DIP2C: variants seen among roughly 807,000 people sequenced by gnomAD.
DIP2C encodes the protein DIP2 acetate--CoA ligase C (putative), also known as disco-interacting protein 2 homolog C.
In DIP2C, 33 loss-of-function variants were observed where a neutral mutation model predicts 192.4. The observed-to-expected ratio is 0.17, with a 90% confidence interval of 0.13 to 0.23. The LOEUF (loss-of-function observed/expected upper bound fraction) is 0.23, where lower values mean the gene tolerates loss of function less well. DIP2C is among the 10% of genes least tolerant of loss of function. The pLI is 1.00. For missense variants in DIP2C, 1,537 were observed against 2,110.1 expected (o/e 0.73, Z 5.32); for synonymous variants, 979 against 864.1 (o/e 1.13, Z -2.33).
intron 16 of DIP2C, 115 bp downstream of exon 16, chr10:383,912 A>C: frequency 2.2e-6 from 3 of 1,342,030 alleles, no homozygotes; most frequent in Non-Finnish European, 2.9e-6. Flanking sequence ...AAGTGCAAAG[A>C]ATGAAACCTG....
chr10:605,881 G>A (rs1334399507), intron 1 of DIP2C, among the ~76,000 whole-genome samples: 1 of 152,228 alleles, frequency 6.6e-6, no homozygotes, highest in Non-Finnish European at 1.5e-5. Flanking sequence ...AGACTCTCAG[G>A]AGAGCAGAAA....
In DIP2C at chr10:363,319, G is replaced by A; in HGVS notation, c.2478-8C>T. The stretch of plus-strand genomic sequence containing the variant: ...ACCGAGAACACGGCTATCCTGCGGG[G>A]ACACAGGAGCATGGTGAGCACGCGC... On this transcript the variant is annotated splice_region_variant and splice_polypyrimidine_tract_variant and intron_variant, in intron 20 of 36. Coordinates refer to ENST00000280886, the MANE Select transcript of DIP2C (RefSeq NM_014974.3). The surrounding 1 kb of genome is among the most constrained non-coding windows in gnomAD (Gnocchi z 5.4). The A allele has an allele frequency of 1.2e-6, 2 of 1,609,178 alleles. No homozygotes were observed. The highest frequency in any genetic ancestry group is 1.7e-6 in the Non-Finnish European group (2 of 1,179,200).
intron 6 of DIP2C, among the ~76,000 whole-genome samples, chr10:417,171 G>A (rs1054666184): frequency 3.9e-5 from 6 of 152,158 alleles, no homozygotes; most frequent in East Asian, 3.9e-4. Flanking sequence ...CCAGGCCAAC[G>A]ATTCTCAAGC....
intron 1 of DIP2C, among the ~76,000 whole-genome samples, chr10:661,279 C>T (rs1441300079): frequency 6.6e-6 from 1 of 152,194 alleles, no homozygotes; most frequent in Non-Finnish European, 1.5e-5. Context: ...TGGCTCCATG[C>T]CTGCCCCCTT....
intron 8 of DIP2C, among the ~76,000 whole-genome samples, chr10:410,328 T>C (rs186445710): frequency 6.6e-6 from 1 of 152,364 alleles, no homozygotes; most frequent in East Asian, 1.9e-4. Context: ...AGTTACGGTG[T>C]GCATTCTAGC....
intron 3 of DIP2C, among the ~76,000 whole-genome samples, chr10:449,769 CTT>C (rs1343465266): frequency 7.7e-6 from 1 of 130,370 alleles, no homozygotes; most frequent in Non-Finnish European, 1.5e-5. Flanking sequence ...TACCCTAAAA[CTT>C]AAAGTATAAT....
At chr10:550,726 C>G (rs1355963897) in intron 1 of DIP2C, among the ~76,000 whole-genome samples, 1 of 152,172 alleles carries the variant, frequency 6.6e-6, no homozygotes, top group African/African-American at 2.4e-5. Flanking sequence ...TCTCCCCCTA[C>G]GATTTTGTGA....
intron 1 of DIP2C, chr10:650,504 C>T (rs1367405695): frequency 2.9e-6 from 2 of 695,294 alleles, no homozygotes; most frequent in Non-Finnish European, 2.6e-6. Context: ...GTTCCCTATA[C>T]TCTTCCCCTG....
At chr10:442,058 C>T (rs1025513177) in intron 3 of DIP2C, among the ~76,000 whole-genome samples, 38 of 150,902 alleles carry the variant, frequency 2.5e-4, no homozygotes, top group African/African-American at 9.0e-4. Context: ...CAAGAATCTT[C>T]GAGACACAGG....
chr10:388,268 G>A (rs529530526), intron 13 of DIP2C, among the ~76,000 whole-genome samples: 1 of 152,314 alleles, frequency 6.6e-6, no homozygotes, highest in East Asian at 1.9e-4. Flanking sequence ...AAAAAAGGAG[G>A]CACTGCAATT....
chr10:403,694 G>T (rs1251700158), intron 9 of DIP2C, among the ~76,000 whole-genome samples: 1 of 150,312 alleles, frequency 6.7e-6, no homozygotes, highest in African/African-American at 2.5e-5. Flanking sequence ...TTTTACACGT[G>T]TGGTAGCATT....
intron 1 of DIP2C, among the ~76,000 whole-genome samples, chr10:614,796 T>C (rs1853336325): frequency 6.6e-6 from 1 of 152,192 alleles, no homozygotes; most frequent in Non-Finnish European, 1.5e-5. Context: ...GGAGTAGGTA[T>C]GGGAAGGAGA....
chr10:356,528 A>G, intron 23 of DIP2C, 22 bp from the exon 24 acceptor site: 1 of 1,599,150 alleles, frequency 6.3e-7, no homozygotes. Context: ...CACGGGCATG[A>G]GGATCAGGCT....
At chr10:428,394 G>A (rs985051802) in intron 4 of DIP2C, among the ~76,000 whole-genome samples, 19 of 152,082 alleles carry the variant, frequency 1.2e-4, no homozygotes, top group Admixed American at 2.0e-4. Flanking sequence ...CGTTTCATCC[G>A]TGTTTATAAA....
At chr10:294,306 C>G (rs1264586387) in intron 32 of DIP2C, among the ~76,000 whole-genome samples, 1 of 152,164 alleles carries the variant, frequency 6.6e-6, no homozygotes, top group African/African-American at 2.4e-5. Context: ...AGACCCTAAT[C>G]ACATGCATCA....
intron 26 of DIP2C, 97 bp downstream of exon 26, chr10:348,544 G>A (rs1958631528): frequency 2.0e-6 from 3 of 1,536,622 alleles, no homozygotes; most frequent in African/African-American, 1.4e-5. Context: ...GGCTTCCACA[G>A]CCAGCAGCTG....
chr10:429,849 G>A (rs1966840145), intron 4 of DIP2C, among the ~76,000 whole-genome samples: 1 of 152,092 alleles, frequency 6.6e-6, no homozygotes, highest in South Asian at 2.1e-4. Context: ...AAATATCTAT[G>A]TGTAGGCTTT....
At chr10:574,924 G>A (rs932033589) in intron 1 of DIP2C, among the ~76,000 whole-genome samples, 1 of 152,158 alleles carries the variant, frequency 6.6e-6, no homozygotes, top group Non-Finnish European at 1.5e-5. Context: ...AGAGAGCTAT[G>A]AAGTTTATGT....
At position 648,251 on chromosome 10, in the gene DIP2C, C is replaced by T. The variant is rs535805772; in HGVS notation, c.85+41243G>A. Among the ~76,000 whole-genome samples, 35 of 141,300 alleles carry T rather than the reference C, an allele frequency of 2.5e-4. 1 individual carries two copies. The South Asian group carries it at 4.6e-3, about 19-fold the overall frequency. 92.7% of individuals were successfully genotyped at this position (141,300 alleles called of 152,430 possible). On this transcript the variant is annotated intron_variant, in intron 1 of 36. Transcript: ENST00000280886. ...GGAAACAGTCCAAGTCCACATTGGA[C>T]GGTGGGCGAGAACAAAGGGAAACTG...
Sources: gnomAD v4.1 joint callset for allele counts (sites outside exome capture counted in the v4.1 genomes callset) on GRCh38, gnomAD v4.1.1 for gene constraint, Gnocchi (gnomAD v3.1) non-coding constraint, MANE v1.5 for transcripts, NCBI Gene and HGNC (gene_info 2026-07-23, HGNC 2026-07-21) for gene names.